The following LINGO2 variants were observed in gnomAD, a reference collection of about 807,000 sequenced individuals.
LINGO2 encodes the protein leucine-rich repeat and immunoglobulin-like domain-containing nogo receptor-interacting protein 2.
LINGO2 carries 14 observed loss-of-function variants against 30.6 expected under a neutral mutation model. That is an observed-to-expected ratio of 0.46 (90% CI 0.30 to 0.72). The LOEUF (loss-of-function observed/expected upper bound fraction) is 0.72, where lower values mean the gene tolerates loss of function less well. Among genes scored for constraint, LINGO2 ranks in the 30% least tolerant of loss-of-function variants. The pLI is 0.07. For missense variants in LINGO2, 729 were observed against 751.7 expected (o/e 0.97, Z 0.35); for synonymous variants, 317 against 288.5 (o/e 1.10, Z -1.00).
At chr9:29,073,668 C>T in the LINGO2 span, among the ~76,000 whole-genome samples, 1 of 152,068 alleles carries the variant, frequency 6.6e-6, no homozygotes, top group Non-Finnish European at 1.5e-5. Context: ...ACTATATGCC[C>T]CACATACTCG....
At chr9:28,995,606 A>C in the LINGO2 span, among the ~76,000 whole-genome samples, 1 of 152,124 alleles carries the variant, frequency 6.6e-6, no homozygotes, top group African/African-American at 2.4e-5. Context: ...AATAGCAAAG[A>C]CTTGGAACCA....
At chr9:28,553,853 TGAA>T (rs1455904409) in intron 1 of LINGO2, among the ~76,000 whole-genome samples, 1 of 152,026 alleles carries the variant, frequency 6.6e-6, no homozygotes, top group Non-Finnish European at 1.5e-5. Flanking sequence ...TCAACATTCT[TGAA>T]GAAAAGAATT....
At chr9:28,144,401 T>G (rs1827757370) in intron 4 of LINGO2, among the ~76,000 whole-genome samples, 1 of 152,176 alleles carries the variant, frequency 6.6e-6, no homozygotes, top group Admixed American at 6.5e-5. Flanking sequence ...AATAAAAATC[T>G]TTAAAGAGAA....
chr9:28,568,244 T>C (rs1429483823), intron 1 of LINGO2, among the ~76,000 whole-genome samples: 1 of 152,054 alleles, frequency 6.6e-6, no homozygotes, highest in Non-Finnish European at 1.5e-5. Flanking sequence ...AAATACCATA[T>C]GTTCTCACTT....
At chr9:28,146,390 C>T (rs1827812715) in intron 4 of LINGO2, among the ~76,000 whole-genome samples, 1 of 152,086 alleles carries the variant, frequency 6.6e-6, no homozygotes, top group African/African-American at 2.4e-5. Flanking sequence ...AATAAATACA[C>T]ACTAGTTAGA....
intron 4 of LINGO2, among the ~76,000 whole-genome samples, chr9:28,286,851 CT>C (rs1319716393): frequency 6.6e-6 from 1 of 152,082 alleles, no homozygotes; most frequent in Non-Finnish European, 1.5e-5. Flanking sequence ...GGAAAAACAA[CT>C]AATTGGTACT....
At chr9:29,171,787 T>C in the LINGO2 span, among the ~76,000 whole-genome samples, 4 of 151,874 alleles carry the variant, frequency 2.6e-5, no homozygotes, top group Non-Finnish European at 5.9e-5. Context: ...TATCCCAACA[T>C]TATATAATTG....
chr9:28,769,420 A>G, the LINGO2 span, among the ~76,000 whole-genome samples: 1 of 141,774 alleles, frequency 7.1e-6, no homozygotes, highest in African/African-American at 2.6e-5. Flanking sequence ...TAAAAAAAAA[A>G]AGTCTGATGA....
chr9:27,985,220 A>C (rs562725689), intron 5 of LINGO2, among the ~76,000 whole-genome samples: 1 of 152,022 alleles, frequency 6.6e-6, no homozygotes, highest in East Asian at 1.9e-4. Context: ...CATCATATAT[A>C]TACAACATGT....
intron 3 of LINGO2, among the ~76,000 whole-genome samples, chr9:28,364,252 A>G (rs1355604341): frequency 1.3e-5 from 2 of 152,240 alleles, no homozygotes. Flanking sequence ...GATTGACTAG[A>G]AATAATTCAA....
Position 28,047,870 on chromosome 9 carries a change from C to G in LINGO2, c.-86-35465G>C, listed in dbSNP as rs376495458. On this transcript the variant is annotated intron_variant, in intron 4 of 5. Coordinates refer to ENST00000379992, the Ensembl canonical transcript of LINGO2. ...AGGTATAATTTTTGCCAGAATGGGA[C>G]TAAAAATTACTTATCTGTTCACCCC... Among the ~76,000 whole-genome samples, 23 of 150,654 alleles carry G rather than the reference C, an allele frequency of 1.5e-4. 2 individuals are homozygous for G. Among genetic ancestry groups the G allele is most frequent in the South Asian group, 1.3e-3 (6 of 4,680 alleles).
At chr9:28,465,579 C>T (rs1825268284) in intron 2 of LINGO2, among the ~76,000 whole-genome samples, 1 of 152,122 alleles carries the variant, frequency 6.6e-6, no homozygotes, top group South Asian at 2.1e-4. Context: ...ACTCCGCCCT[C>T]TTTTACCCAA....
the LINGO2 span, among the ~76,000 whole-genome samples, chr9:28,896,287 A>C: frequency 6.6e-6 from 1 of 152,160 alleles, no homozygotes; most frequent in Admixed American, 6.5e-5. Context: ...ATCCCATTCC[A>C]AAGATGAAAT....
the LINGO2 span, among the ~76,000 whole-genome samples, chr9:28,841,790 G>T: frequency 5.3e-5 from 8 of 151,682 alleles, no homozygotes; most frequent in African/African-American, 1.9e-4. Context: ...TGAAGCTAAA[G>T]AATATGACAA....
chr9:28,885,470 T>TATAC, the LINGO2 span, among the ~76,000 whole-genome samples: 17 of 144,370 alleles, frequency 1.2e-4, no homozygotes, highest in East Asian at 6.2e-4. Flanking sequence ...CATATATATA[T>TATAC]ACATACATAT....
chr9:28,356,337 A>T (rs187556000), intron 3 of LINGO2, among the ~76,000 whole-genome samples: 11 of 152,228 alleles, frequency 7.2e-5, no homozygotes, highest in Non-Finnish European at 1.5e-4. Flanking sequence ...CTAGGTTTGT[A>T]GACCCATACC....
At chr9:28,073,901 T>C (rs1197499360) in intron 4 of LINGO2, among the ~76,000 whole-genome samples, 2 of 151,912 alleles carry the variant, frequency 1.3e-5, no homozygotes, top group African/African-American at 2.4e-5. Flanking sequence ...TTGATGGAGG[T>C]TTTCTTGAAA....
At chr9:28,378,368 T>C (rs1316470393) in intron 2 of LINGO2, among the ~76,000 whole-genome samples, 1 of 152,176 alleles carries the variant, frequency 6.6e-6, no homozygotes, top group African/African-American at 2.4e-5. Flanking sequence ...ATCAGAGGGT[T>C]GTGAAACTCT....
intron 1 of LINGO2, among the ~76,000 whole-genome samples, chr9:28,650,109 G>A (rs1828028014): frequency 6.6e-6 from 1 of 151,550 alleles, no homozygotes; most frequent in Non-Finnish European, 1.5e-5. Context: ...CACTGAACAG[G>A]CAAATAAAAG....
Sources: gnomAD v4.1 joint callset for allele counts (sites outside exome capture counted in the v4.1 genomes callset) on GRCh38, gnomAD v4.1.1 for gene constraint, MANE v1.5 for transcripts, NCBI Gene and HGNC (gene_info 2026-07-23, HGNC 2026-07-21) for gene names.